ZFHX3: variants seen among roughly 807,000 people sequenced by gnomAD.
ZFHX3 encodes zinc finger homeobox protein 3.
A neutral mutation model predicts 279.1 loss-of-function variants in ZFHX3; 42 were observed. The ratio of observed to expected loss-of-function variants is 0.15; its 90% CI spans 0.12 to 0.19. ZFHX3 has a LOEUF of 0.19. ZFHX3 is among the 10% of genes least tolerant of loss of function. ZFHX3 has a pLI of 1.00. For synonymous variants in ZFHX3, 2,293 were observed against 1,957.8 expected (o/e 1.17, Z -4.52); for missense variants, 4,981 against 4,754.0 (o/e 1.05, Z -1.40).
At chr16:73,645,414 ACC>A (rs2052609706) in intron 2 of ZFHX3, among the ~76,000 whole-genome samples, 1 of 151,944 alleles carries the variant, frequency 6.6e-6, no homozygotes, top group Admixed American at 6.6e-5. Context: ...CCGCCGCCAC[ACC>A]CGGCTAATTT....
intron 4 of ZFHX3, among the ~76,000 whole-genome samples, chr16:72,836,986 C>T (rs1046164376): frequency 5.3e-5 from 8 of 152,176 alleles, no homozygotes; most frequent in African/African-American, 1.2e-4. Context: ...CAAACTCCAG[C>T]GCATGAATAA....
chr16:73,631,129 A>G (rs886715930), intron 2 of ZFHX3, among the ~76,000 whole-genome samples: 2 of 152,216 alleles, frequency 1.3e-5, no homozygotes, highest in African/African-American at 2.4e-5. Flanking sequence ...AGGACACCAA[A>G]GAGAAACTTG....
Position 72,829,831 on chromosome 16 carries a change from G to A in ZFHX3, c.3477C>T (p.Pro1159=), listed in dbSNP as rs1370928366. ...PEEAIEDVEG[P]SETAADPEEL... ...CCTCTGGATCAGCAGCTGTTTCACT[G>A]GGTCCTTCAACATCTTCAATGGCTT... The change falls in exon 5 of 10, where the codon CCC becomes CCT. Residue 1159 remains proline, a synonymous_variant. Transcript: ENST00000268489. 1.2e-6 allele frequency: 2 copies of A among 1,613,994 alleles called. No individual in the cohort carries two copies. The highest frequency in any genetic ancestry group is 2.7e-5 in the African/African-American group (2 of 74,894).
chr16:72,981,895 T>C (rs1962615833), intron 1 of ZFHX3, among the ~76,000 whole-genome samples: 1 of 150,728 alleles, frequency 6.6e-6, no homozygotes, highest in Non-Finnish European at 1.5e-5. Flanking sequence ...TTTTTTTTTT[T>C]TTCCTGAGAT....
chr16:73,723,839 G>T (rs1402763548), intron 1 of ZFHX3, among the ~76,000 whole-genome samples: 2 of 152,104 alleles, frequency 1.3e-5, no homozygotes, highest in Non-Finnish European at 2.9e-5. Flanking sequence ...GGGGTCAAAA[G>T]CTACCAGCAG....
At chr16:73,193,647 T>C (rs1305433332) in intron 5 of ZFHX3, among the ~76,000 whole-genome samples, 1 of 152,194 alleles carries the variant, frequency 6.6e-6, no homozygotes, top group African/African-American at 2.4e-5. Context: ...ACAACCCCTG[T>C]CTGGGAGGAG....
chr16:73,663,876 T>C (rs116555391), intron 2 of ZFHX3, among the ~76,000 whole-genome samples: 1 of 152,326 alleles, frequency 6.6e-6, no homozygotes, highest in African/African-American at 2.4e-5. Flanking sequence ...TTAACCTCTA[T>C]GTTCTGTAAC....
At chr16:73,534,231 C>A (rs1453265362) in intron 2 of ZFHX3, among the ~76,000 whole-genome samples, 1 of 152,180 alleles carries the variant, frequency 6.6e-6, no homozygotes, top group Non-Finnish European at 1.5e-5. Flanking sequence ...TATACTTCCA[C>A]TTTAGGGCCT....
intron 3 of ZFHX3, among the ~76,000 whole-genome samples, chr16:73,420,458 G>A (rs140960771): frequency 6.4e-4 from 98 of 152,264 alleles, no homozygotes; most frequent in African/African-American, 2.0e-3. Context: ...GGAAGGCGGC[G>A]TCGCTGGCAT....
Position 72,957,624 on chromosome 16 carries a change from T to C in ZFHX3, c.2522A>G (p.Gln841Arg). ...GCCCAGGTGGCGGTTGTGTTGGATC[T>C]GGGTCATGTTCTGTTGCAGTAACAT... is the stretch of plus-strand genomic sequence containing the variant. ...NMMLLQQNMT[Q>R]IQHNRHLGLG... is the part of the protein sequence containing the mutation. The change falls in exon 2 of 10, where the codon CAG (glutamine) becomes CGG (arginine). Residue 841 changes from glutamine to arginine, a missense_variant. Gln to Arg is a conservative substitution (Grantham distance 43). This residue lies in a region of ZFHX3 where 1,751 missense variants were observed against 1,770.0 expected (regional missense o/e 0.99). Coordinates refer to ENST00000268489, the MANE Select transcript of ZFHX3 (RefSeq NM_006885.4). The C allele has an allele frequency of 6.2e-7, 1 of 1,614,188 alleles. No individual in the cohort carries two copies. Among genetic ancestry groups the C allele is most frequent in the Non-Finnish European group, 8.5e-7 (1 of 1,180,042 alleles).
At chr16:73,408,680 G>A (rs2017410354) in intron 3 of ZFHX3, among the ~76,000 whole-genome samples, 1 of 152,186 alleles carries the variant, frequency 6.6e-6, no homozygotes, top group Non-Finnish European at 1.5e-5. Context: ...CTTGAAGTCA[G>A]GACAGCGGTG....
intron 5 of ZFHX3, among the ~76,000 whole-genome samples, chr16:73,144,887 C>T (rs1966856800): frequency 6.6e-6 from 1 of 152,230 alleles, no homozygotes; most frequent in African/African-American, 2.4e-5. Context: ...ATCCATATTT[C>T]AACCTAACTA....
intron 8 of ZFHX3, among the ~76,000 whole-genome samples, chr16:73,091,232 G>A (rs563160270): frequency 3.6e-4 from 54 of 150,684 alleles, no homozygotes; most frequent in Non-Finnish European, 2.2e-4. Flanking sequence ...AAAAGAAAGC[G>A]GGGAAAAAAA....
At chr16:72,845,605 C>A (rs1445750540) in intron 4 of ZFHX3, among the ~76,000 whole-genome samples, 2 of 152,166 alleles carry the variant, frequency 1.3e-5, no homozygotes, top group East Asian at 1.9e-4. Flanking sequence ...TGTGTTCTGG[C>A]TGCCATCTTC....
At chr16:73,071,656 A>C (rs1396426393) in intron 8 of ZFHX3, among the ~76,000 whole-genome samples, 1 of 152,200 alleles carries the variant, frequency 6.6e-6, no homozygotes, top group African/African-American at 2.4e-5. Context: ...TATAGGAAGA[A>C]CCAGCAGGCA....
chr16:73,848,653 G>A (rs1467453059), intron 1 of ZFHX3, among the ~76,000 whole-genome samples: 1 of 152,088 alleles, frequency 6.6e-6, no homozygotes, highest in Non-Finnish European at 1.5e-5. Flanking sequence ...CAGGTTCATG[G>A]ATATGTTAGA....
intron 1 of ZFHX3, among the ~76,000 whole-genome samples, chr16:72,987,443 T>C (rs760365378): frequency 3.9e-5 from 6 of 152,178 alleles, no homozygotes; most frequent in Non-Finnish European, 5.9e-5. Context: ...CTGGTCTCCG[T>C]TGCCACTGCC....
intron 7 of ZFHX3, among the ~76,000 whole-genome samples, chr16:72,804,294 G>C (rs1567523519): frequency 6.6e-6 from 1 of 152,136 alleles, no homozygotes; most frequent in Non-Finnish European, 1.5e-5. Flanking sequence ...GGATCCATGT[G>C]CTGCATGCTT....
chr16:73,741,891 T>C (rs756169397), intron 1 of ZFHX3, among the ~76,000 whole-genome samples: 1 of 152,248 alleles, frequency 6.6e-6, no homozygotes, highest in African/African-American at 2.4e-5. Flanking sequence ...AAGGGACCGC[T>C]GATTTTATTC....
Sources: allele counts gnomAD v4.1 joint callset (sites outside exome capture counted in the v4.1 genomes callset), GRCh38; gene constraint gnomAD v4.1.1; regional missense constraint gnomAD v4.1.1; transcripts MANE v1.5; gene names NCBI Gene and HGNC (gene_info 2026-07-23, HGNC 2026-07-21).